The following DENND1A variants were observed in gnomAD, a reference collection of about 807,000 sequenced individuals.
DENND1A encodes DENN domain-containing protein 1A.
DENND1A carries 51 observed loss-of-function variants against 113.7 expected under a neutral mutation model. That is an observed-to-expected ratio of 0.45 (90% CI 0.36 to 0.57). The LOEUF is 0.57. Among genes scored for constraint, DENND1A ranks in the 20% least tolerant of loss-of-function variants. The probability of loss-of-function intolerance (pLI) is 0.00; values close to 1 mark genes in which losing one functional copy is unlikely to be tolerated. For synonymous variants in DENND1A, 565 were observed against 570.8 expected, an observed-to-expected ratio of 0.99 and a Z score of 0.14; for missense variants, 1,258 against 1,395.9, an observed-to-expected ratio of 0.90 and a Z score of 1.57.
At chr9:123,409,299 T>G (rs757287166) in intron 20 of DENND1A, among the ~76,000 whole-genome samples, 7 of 151,920 alleles carry the variant, frequency 4.6e-5, no homozygotes, top group Non-Finnish European at 1.5e-5. Context: ...ATTTTTTTTC[T>G]TCCCGCAGCA....
intron 2 of DENND1A, among the ~76,000 whole-genome samples, chr9:123,811,737 C>A (rs954660746): frequency 3.3e-5 from 5 of 152,000 alleles, no homozygotes; most frequent in East Asian, 1.9e-4. Context: ...CCAGCCAGGG[C>A]GACAGAGCAA....
intron 21 of DENND1A, among the ~76,000 whole-genome samples, chr9:123,395,849 G>A (rs919474382): frequency 2.0e-5 from 3 of 152,168 alleles, no homozygotes; most frequent in Non-Finnish European, 4.4e-5. Context: ...ACTGCAAGCC[G>A]CACTCTGCCT....
At chr9:123,882,795 G>A (rs1367546113) in intron 1 of DENND1A, among the ~76,000 whole-genome samples, 1 of 152,186 alleles carries the variant, frequency 6.6e-6, no homozygotes, top group East Asian at 1.9e-4. Flanking sequence ...ATTGACAATT[G>A]TTGCCCCACA....
At chr9:123,748,624 C>G (rs17216679) in intron 5 of DENND1A, among the ~76,000 whole-genome samples, 4,298 of 152,274 alleles carry the variant, frequency 0.028, 99 homozygotes, top group Non-Finnish European at 0.044. Context: ...AGCTTAGAAG[C>G]AAAGGGCAAT....
chr9:123,763,976 T>C (rs2071258125), intron 4 of DENND1A, among the ~76,000 whole-genome samples: 1 of 152,128 alleles, frequency 6.6e-6, no homozygotes, highest in African/African-American at 2.4e-5. Flanking sequence ...TTAGGATGAA[T>C]ACCAGAACTT....
chr9:123,424,573 C>A (rs191322485), intron 19 of DENND1A, among the ~76,000 whole-genome samples: 229 of 152,340 alleles, frequency 1.5e-3, no homozygotes, highest in African/African-American at 5.2e-3. Context: ...TACATATTCC[C>A]AGCTGCTATT....
intron 13 of DENND1A, among the ~76,000 whole-genome samples, chr9:123,471,206 A>G (rs1452563743): frequency 6.6e-6 from 1 of 152,150 alleles, no homozygotes; most frequent in East Asian, 1.9e-4. Flanking sequence ...GGAACAGTGA[A>G]AGACACTGCG....
chr9:123,555,371 G>C (rs967979536), intron 13 of DENND1A, among the ~76,000 whole-genome samples: 27 of 152,328 alleles, frequency 1.8e-4, no homozygotes, highest in Admixed American at 5.9e-4. Flanking sequence ...TAGCATCCAA[G>C]GCTCCGCCAA....
chr9:123,445,950 C>G (rs1193847473), intron 18 of DENND1A, among the ~76,000 whole-genome samples: 1 of 152,236 alleles, frequency 6.6e-6, no homozygotes, highest in Non-Finnish European at 1.5e-5. Flanking sequence ...AACACATTAT[C>G]TCTTCTACTC....
chr9:123,709,367 T>C (rs2066436812), intron 5 of DENND1A, among the ~76,000 whole-genome samples: 1 of 152,222 alleles, frequency 6.6e-6, no homozygotes, highest in Admixed American at 6.5e-5. Flanking sequence ...GATCAAGCAC[T>C]GATTCTTATA....
intron 19 of DENND1A, among the ~76,000 whole-genome samples, chr9:123,426,023 C>A (rs931746170): frequency 6.6e-6 from 1 of 152,202 alleles, no homozygotes; most frequent in Non-Finnish European, 1.5e-5. Context: ...AGGGCAGGGG[C>A]ACTTCACAGA....
intron 10 of DENND1A, among the ~76,000 whole-genome samples, chr9:123,610,342 A>G (rs903650015): frequency 6.6e-6 from 1 of 152,218 alleles, no homozygotes; most frequent in Non-Finnish European, 1.5e-5. Flanking sequence ...CAACTTTGCA[A>G]TACCCATAGA....
chr9:123,792,817 A>G (rs936036659), intron 2 of DENND1A, among the ~76,000 whole-genome samples, 187 bp from the exon 3 acceptor site: 8 of 152,194 alleles, frequency 5.3e-5, no homozygotes, highest in Non-Finnish European at 1.2e-4. Flanking sequence ...CTCCTCCAGA[A>G]ATATAAAAAA....
chr9:123,917,266 G>A (rs1273866439), intron 1 of DENND1A, among the ~76,000 whole-genome samples: 1 of 152,060 alleles, frequency 6.6e-6, no homozygotes, highest in Non-Finnish European at 1.5e-5. Flanking sequence ...CAATTCTACT[G>A]ACTTTAAAAC....
At position 123,422,685 on chromosome 9, in the gene DENND1A, A is replaced by T. The variant is rs187990112; in HGVS notation, c.1489-10856T>A. Among the ~76,000 whole-genome samples, 14 of 152,384 alleles carry T rather than the reference A, an allele frequency of 9.2e-5. No individual in the cohort carries two copies. The East Asian group carries it at 2.5e-3, about 27-fold the overall frequency. On this transcript the variant is annotated intron_variant, in intron 19 of 23. Coordinates refer to ENST00000394215, the MANE Select transcript of DENND1A (RefSeq NM_001352964.2). The surrounding 1 kb of genome is among the most constrained non-coding windows in gnomAD (Gnocchi z 4.8). Reference sequence around the variant, plus strand: ...TTTTCTTCAGCTTCAAATGAAGAATATCAGAAGGCTGGGGGAATATGCGGC... The same window carrying T: ...TTTTCTTCAGCTTCAAATGAAGAATTTCAGAAGGCTGGGGGAATATGCGGC...
At chr9:123,727,091 C>T (rs1001953209) in intron 5 of DENND1A, among the ~76,000 whole-genome samples, 2 of 152,196 alleles carry the variant, frequency 1.3e-5, no homozygotes, top group African/African-American at 4.8e-5. Context: ...AAGTATTCAA[C>T]ACAATACCTT....
intron 5 of DENND1A, among the ~76,000 whole-genome samples, chr9:123,701,326 A>G (rs2065871391): frequency 6.6e-6 from 1 of 152,216 alleles, no homozygotes. Flanking sequence ...TAGCACAATA[A>G]TAAGAAAGAC....
intron 1 of DENND1A, among the ~76,000 whole-genome samples, chr9:123,920,225 G>A (rs955101536): frequency 5.3e-5 from 8 of 152,192 alleles, no homozygotes; most frequent in Non-Finnish European, 1.2e-4. Context: ...GAGGTCAGGA[G>A]TTTGAGACCA....
At chr9:123,597,283 C>T (rs565678151) in intron 11 of DENND1A, among the ~76,000 whole-genome samples, 3 of 152,278 alleles carry the variant, frequency 2.0e-5, no homozygotes, top group Admixed American at 1.3e-4. Flanking sequence ...GTGAGAATTA[C>T]GGACTTAATC....
Sources: allele counts gnomAD v4.1 joint callset (sites outside exome capture counted in the v4.1 genomes callset), GRCh38; gene constraint gnomAD v4.1.1; non-coding constraint Gnocchi (gnomAD v3.1); transcripts MANE v1.5; gene names NCBI Gene and HGNC (gene_info 2026-07-23, HGNC 2026-07-21).